Variants in DTNBP1 observed in about 807,000 individuals in gnomAD.
The protein encoded by DTNBP1 is dystrobrevin binding protein 1, also known as dysbindin.
Under a neutral mutation model 42.8 loss-of-function variants are expected in DTNBP1, and 35 were observed. The observed-to-expected ratio is 0.82, with a 90% CI of 0.63 to 1.09. DTNBP1 has a LOEUF of 1.09. Ranked by LOEUF, DTNBP1 falls within the 50% of genes least tolerant of loss-of-function variation. The probability of loss-of-function intolerance (pLI) is 0.00; values close to 1 mark genes in which losing one functional copy is unlikely to be tolerated. For synonymous variants in DTNBP1, 171 were observed against 162.2 expected (o/e 1.05, Z -0.41); for missense variants, 457 against 424.2 (o/e 1.08, Z -0.68).
At chr6:15,623,401 T>C (rs748062142) in intron 5 of DTNBP1, among the ~76,000 whole-genome samples, 16 of 152,188 alleles carry the variant, frequency 1.1e-4, no homozygotes, top group Non-Finnish European at 2.2e-4. Context: ...CAGCATCTTC[T>C]GGCTGGGTAC....
intron 3 of DTNBP1, among the ~76,000 whole-genome samples, chr6:15,644,647 A>G (rs1192390894): frequency 2.0e-5 from 3 of 152,208 alleles, no homozygotes; most frequent in Admixed American, 6.5e-5. Context: ...TCACACAAGT[A>G]TATGGAAACT....
At chr6:15,571,860 C>T (rs1397467932) in intron 7 of DTNBP1, among the ~76,000 whole-genome samples, 1 of 152,150 alleles carries the variant, frequency 6.6e-6, no homozygotes, top group Non-Finnish European at 1.5e-5. Flanking sequence ...TAGTGCTCAT[C>T]CTAACACTAA....
intron 4 of DTNBP1, among the ~76,000 whole-genome samples, chr6:15,632,187 G>T (rs1759734421): frequency 6.6e-6 from 1 of 151,564 alleles, no homozygotes. Context: ...TGAACACTTA[G>T]CCTCTGTCTT....
At chr6:15,639,083 T>C (rs778775427) in intron 3 of DTNBP1, among the ~76,000 whole-genome samples, 7 of 152,148 alleles carry the variant, frequency 4.6e-5, no homozygotes, top group Admixed American at 6.5e-5. Flanking sequence ...AGGGAGACAT[T>C]GTGACTAAAT....
At chr6:15,593,384 C>A (rs1776377785) in intron 6 of DTNBP1, among the ~76,000 whole-genome samples, 1 of 152,198 alleles carries the variant, frequency 6.6e-6, no homozygotes. Flanking sequence ...GCATTTTAAT[C>A]CCAGCTATGA....
chr6:15,592,203 C>T (rs1466379437), intron 7 of DTNBP1, among the ~76,000 whole-genome samples: 2 of 152,202 alleles, frequency 1.3e-5, no homozygotes, highest in African/African-American at 4.8e-5. Flanking sequence ...ACTTGGAAAT[C>T]TTTAACCATT....
At chr6:15,635,920 ATTT>A in intron 4 of DTNBP1, among the ~76,000 whole-genome samples, 1 of 152,302 alleles carries the variant, frequency 6.6e-6, no homozygotes, top group East Asian at 1.9e-4. Flanking sequence ...ATATATAACT[ATTT>A]AACAGTCAAT....
chr6:15,648,075 T>G (rs945323849), intron 3 of DTNBP1, among the ~76,000 whole-genome samples: 4 of 152,040 alleles, frequency 2.6e-5, no homozygotes, highest in Admixed American at 2.6e-4. Flanking sequence ...AAGAGGGATT[T>G]ATTCCTGGAA....
chr6:15,663,048 C>T (rs1036049651), upstream of DTNBP1: 2 of 794,058 alleles, frequency 2.5e-6, no homozygotes, highest in Admixed American at 4.3e-5. Context: ...CGCGTTCCCG[C>T]CCCGCGCGCG....
chr6:15,528,635 G>A (rs1265722477), intron 8 of DTNBP1, among the ~76,000 whole-genome samples: 2 of 152,164 alleles, frequency 1.3e-5, no homozygotes, highest in Non-Finnish European at 2.9e-5. Flanking sequence ...ATGCTACCAA[G>A]TGCCGGCGAA....
intron 6 of DTNBP1, among the ~76,000 whole-genome samples, chr6:15,599,315 C>A (rs2113648454): frequency 6.6e-6 from 1 of 152,264 alleles, no homozygotes; most frequent in South Asian, 2.1e-4. Context: ...CTTGTAATTA[C>A]CTAACTGTAG....
intron 7 of DTNBP1, among the ~76,000 whole-genome samples, chr6:15,540,529 G>C (rs949138984): frequency 6.6e-6 from 1 of 152,170 alleles, no homozygotes; most frequent in Non-Finnish European, 1.5e-5. Flanking sequence ...TGATTCTCTC[G>C]TGTTGCTGAA....
chr6:15,657,661 T>C (rs1581444670), intron 1 of DTNBP1, among the ~76,000 whole-genome samples: 1 of 152,232 alleles, frequency 6.6e-6, no homozygotes, highest in Non-Finnish European at 1.5e-5. Context: ...CTAGATATTC[T>C]AGACAGTCTG....
chr6:15,633,660 G>C (rs1759823239), intron 4 of DTNBP1, among the ~76,000 whole-genome samples: 1 of 152,146 alleles, frequency 6.6e-6, no homozygotes, highest in Non-Finnish European at 1.5e-5. Flanking sequence ...AGCATTGCAT[G>C]CTACAGAGGA....
intron 7 of DTNBP1, among the ~76,000 whole-genome samples, chr6:15,537,655 A>G (rs1369147613): frequency 6.6e-6 from 1 of 152,116 alleles, no homozygotes; most frequent in Admixed American, 6.5e-5. Context: ...AGTTTCGCCC[A>G]TGCTGTTCCT....
chr6:15,551,505 G>A (rs1774208955), intron 7 of DTNBP1, among the ~76,000 whole-genome samples: 1 of 152,170 alleles, frequency 6.6e-6, no homozygotes, highest in African/African-American at 2.4e-5. Context: ...GCCATGCCCT[G>A]ACTTGTAATT....
intron 6 of DTNBP1, among the ~76,000 whole-genome samples, chr6:15,608,982 T>A (rs1581388303): frequency 6.6e-6 from 1 of 152,200 alleles, no homozygotes; most frequent in East Asian, 1.9e-4. Flanking sequence ...GACAACTTCC[T>A]TATGTTATTT....
rs926255592 is a variant in DTNBP1, at chr6:15,653,240, A to G, written c.57-1100T>C. ...TAACATTTTGTGATGACTCAGGATC[A>G]GTATTAAGAATATCATTGACTACAT... is the stretch of plus-strand genomic sequence containing the variant. On this transcript the variant is annotated intron_variant, in intron 1 of 9. Transcript: ENST00000344537. Among the ~76,000 whole-genome samples the G allele has an allele frequency of 4.6e-5, 7 of 152,368 alleles. No individual in the cohort carries two copies. In the East Asian group the frequency reaches 7.7e-4, roughly 17 times the overall value.
At chr6:15,638,692 A>G (rs985618217) in intron 3 of DTNBP1, among the ~76,000 whole-genome samples, 1 of 152,198 alleles carries the variant, frequency 6.6e-6, no homozygotes, top group Admixed American at 6.5e-5. Flanking sequence ...ACACATCAAC[A>G]TTATGTGCCT....
Sources: allele counts gnomAD v4.1 joint callset (sites outside exome capture counted in the v4.1 genomes callset), GRCh38; gene constraint gnomAD v4.1.1; transcripts MANE v1.5; gene names NCBI Gene and HGNC (gene_info 2026-07-23, HGNC 2026-07-21).